Variants in TOM1L2 observed in about 807,000 individuals in gnomAD.
TOM1L2 encodes the protein target of myb1 like 2 membrane trafficking protein.
In TOM1L2, 31 loss-of-function variants were observed where a neutral mutation model predicts 67.9. The observed-to-expected ratio is 0.46, with a 90% CI of 0.34 to 0.62. The LOEUF (loss-of-function observed/expected upper bound fraction) is 0.62. TOM1L2 is among the 20% of genes least tolerant of loss of function. TOM1L2 has a pLI of 0.01. For synonymous variants in TOM1L2, 256 were observed against 254.0 expected, an observed-to-expected ratio of 1.01 and a Z score of -0.07; for missense variants, 606 against 663.5, an observed-to-expected ratio of 0.91 and a Z score of 0.95.
chr17:17,921,045 T>C (rs958031878), intron 1 of TOM1L2, among the ~76,000 whole-genome samples: 10 of 152,242 alleles, frequency 6.6e-5, no homozygotes, highest in Admixed American at 2.0e-4. Flanking sequence ...GTTTTTCCAA[T>C]AATGCCCTTT....
chr17:17,854,484 GTTTTAT>G (rs200653624), intron 12 of TOM1L2, among the ~76,000 whole-genome samples: 4 of 151,850 alleles, frequency 2.6e-5, no homozygotes, highest in African/African-American at 4.8e-5. Flanking sequence ...ATGTGTCATA[GTTTTAT>G]TTTTATTTTT....
Position 17,845,392 on chromosome 17 carries a change from T to C in TOM1L2, c.*2243A>G, listed in dbSNP as rs1158834889. On this transcript the variant is annotated 3_prime_UTR_variant, in exon 15 of 15. Transcript: ENST00000379504. Reference sequence around the variant, plus strand: ...AGCGGGGCAGTTCTGGGAGTGGGTATGAAAAACAGTTTTGCTGGGGGCTCC... The same window carrying C: ...AGCGGGGCAGTTCTGGGAGTGGGTACGAAAAACAGTTTTGCTGGGGGCTCC... 1 of 152,244 alleles carries C rather than the reference T, an allele frequency of 6.6e-6. No individual in the cohort carries two copies. Among genetic ancestry groups the C allele is most frequent in the African/African-American group, 2.4e-5 (1 of 41,454 alleles). 9.4% of individuals were successfully genotyped at this position (152,244 alleles called of 1,614,324 possible).
rs115597364 is a variant in TOM1L2, at chr17:17,863,159, C to T, written c.1085-311G>A. The T allele has an allele frequency of 4.2e-3, 1,277 of 303,084 alleles. 15 individuals are homozygous for T. Among genetic ancestry groups the T allele is most frequent in the African/African-American group, 0.026 (1,200 of 46,056 alleles). The allele number at this position is 303,084 out of a possible 1,614,324, so 18.8% of individuals were successfully genotyped here. Reference sequence around the variant, plus strand: ...TGCAGATTTTCCATAATGCCCTTCTCGCTTGGGCTCCTCATTAACTCAATC... The same window carrying T: ...TGCAGATTTTCCATAATGCCCTTCTTGCTTGGGCTCCTCATTAACTCAATC... On this transcript the variant is annotated intron_variant, in intron 10 of 14. Transcript: ENST00000379504.
intron 7 of TOM1L2, 137 bp from the exon 8 acceptor site, chr17:17,869,610 G>C (rs961703919): frequency 2.1e-6 from 3 of 1,408,646 alleles, no homozygotes; most frequent in Non-Finnish European, 2.8e-6. Context: ...GACATGTGCC[G>C]AATTCAAAGT....
chr17:17,959,432 C>A (rs2041598659), intron 1 of TOM1L2, among the ~76,000 whole-genome samples: 1 of 152,174 alleles, frequency 6.6e-6, no homozygotes, highest in South Asian at 2.1e-4. Context: ...GCCTTGTTTC[C>A]ACAACCTGCA....
At chr17:17,931,465 T>G (rs922863247) in intron 1 of TOM1L2, among the ~76,000 whole-genome samples, 1 of 152,176 alleles carries the variant, frequency 6.6e-6, no homozygotes, top group East Asian at 1.9e-4. Context: ...AGTTTCCACA[T>G]CTATAGAACA....
intron 1 of TOM1L2, among the ~76,000 whole-genome samples, chr17:17,971,803 CTCCGAG>C (rs1268938214): frequency 6.6e-6 from 1 of 152,280 alleles, no homozygotes; most frequent in Non-Finnish European, 1.5e-5. Context: ...CCTGGGGCAT[CTCCGAG>C]TCCAAGTTGG....
At chr17:17,866,175 C>G (rs2036839306) in intron 10 of TOM1L2, 121 bp downstream of exon 10, 3 of 1,246,110 alleles carry the variant, frequency 2.4e-6, no homozygotes, top group Non-Finnish European at 3.3e-6. Context: ...CAGGAATACA[C>G]TTTCACATGT....
intron 1 of TOM1L2, among the ~76,000 whole-genome samples, chr17:17,928,194 C>T (rs2040175571): frequency 6.6e-6 from 1 of 151,716 alleles, no homozygotes; most frequent in Admixed American, 6.6e-5. Context: ...TAAAACCATT[C>T]ATAACTTTGA....
At chr17:17,953,586 G>A (rs533445708) in intron 1 of TOM1L2, among the ~76,000 whole-genome samples, 1 of 152,198 alleles carries the variant, frequency 6.6e-6, no homozygotes, top group African/African-American at 2.4e-5. Flanking sequence ...CCTAACCCAG[G>A]AGGAAACCTG....
chr17:17,949,322 A>G (rs575708864), intron 1 of TOM1L2, among the ~76,000 whole-genome samples: 42 of 152,318 alleles, frequency 2.8e-4, no homozygotes, highest in African/African-American at 9.4e-4. Flanking sequence ...CAGAGCATAG[A>G]GCATAGGGCC....
intron 7 of TOM1L2, 179 bp from the exon 8 acceptor site, chr17:17,869,652 T>A: frequency 7.2e-7 from 1 of 1,385,478 alleles, no homozygotes; most frequent in Non-Finnish European, 9.3e-7. Flanking sequence ...TGCCCCTCCT[T>A]CCGCAGAGGA....
chr17:17,902,812 TAC>T (rs1479540805), intron 2 of TOM1L2, among the ~76,000 whole-genome samples: 1 of 152,252 alleles, frequency 6.6e-6, no homozygotes, highest in Non-Finnish European at 1.5e-5. Flanking sequence ...GATATGAAGA[TAC>T]AGTTATGTAG....
chr17:17,936,690 T>C (rs1428059096), intron 1 of TOM1L2, among the ~76,000 whole-genome samples: 2 of 152,194 alleles, frequency 1.3e-5, no homozygotes, highest in African/African-American at 4.8e-5. Flanking sequence ...TATAAGCTGT[T>C]TTTTAATTAA....
intron 1 of TOM1L2, among the ~76,000 whole-genome samples, chr17:17,957,371 T>C (rs916850248): frequency 6.6e-6 from 1 of 152,150 alleles, no homozygotes; most frequent in Non-Finnish European, 1.5e-5. Context: ...GCATATACTG[T>C]ATGACTCCAC....
intron 1 of TOM1L2, among the ~76,000 whole-genome samples, chr17:17,924,237 T>C (rs1363519888): frequency 6.6e-6 from 1 of 152,102 alleles, no homozygotes; most frequent in Non-Finnish European, 1.5e-5. Context: ...GAAAATAGAT[T>C]AGTGATTGCC....
In TOM1L2 at chr17:17,843,511, T is replaced by C. The variant is rs2035490427; in HGVS notation, c.*4124A>G. On this transcript the variant is annotated 3_prime_UTR_variant, in exon 15 of 15. Transcript: ENST00000379504. ...AATTCAACAGACCACACAGGCATAATTTGTTCAATTATTTATTTATTGTGG... is the reference window on the plus strand; with the variant it reads ...AATTCAACAGACCACACAGGCATAACTTGTTCAATTATTTATTTATTGTGG... 1 of 152,200 alleles carries C rather than the reference T, an allele frequency of 6.6e-6. No individual in the cohort carries two copies. The highest frequency in any genetic ancestry group is 1.5e-5 in the Non-Finnish European group (1 of 68,038). 9.4% of individuals were successfully genotyped at this position (152,200 alleles called of 1,614,324 possible).
chr17:17,849,981 C>G (rs1287539110), intron 13 of TOM1L2, among the ~76,000 whole-genome samples: 1 of 152,186 alleles, frequency 6.6e-6, no homozygotes, highest in Non-Finnish European at 1.5e-5. Flanking sequence ...AGGCCCCAAC[C>G]TGAGGCCTGC....
At chr17:17,935,898 G>A (rs374477770) in intron 1 of TOM1L2, among the ~76,000 whole-genome samples, 1 of 152,004 alleles carries the variant, frequency 6.6e-6, no homozygotes, top group African/African-American at 2.4e-5. Flanking sequence ...CACTGGTGGT[G>A]CCTGCCTTGT....
Sources: allele counts gnomAD v4.1 joint callset (sites outside exome capture counted in the v4.1 genomes callset), GRCh38; gene constraint gnomAD v4.1.1; transcripts MANE v1.5; gene names NCBI Gene and HGNC (gene_info 2026-07-23, HGNC 2026-07-21).